The following MGAT4C variants were observed in gnomAD, a reference collection of about 807,000 sequenced individuals.
MGAT4C encodes the protein alpha-1,3-mannosyl-glycoprotein 4-beta-N-acetylglucosaminyltransferase C.
In MGAT4C, 19 loss-of-function variants were observed where a neutral mutation model predicts 40.1. That is an observed-to-expected ratio of 0.47 (90% CI 0.33 to 0.70). The LOEUF (loss-of-function observed/expected upper bound fraction) is 0.70. MGAT4C is among the 30% of genes least tolerant of loss of function. The pLI, the probability that MGAT4C is intolerant of heterozygous loss-of-function variation, is 0.02. For synonymous variants in MGAT4C, 181 were observed against 187.1 expected (o/e 0.97, Z 0.27); for missense variants, 491 against 563.2 (o/e 0.87, Z 1.30).
chr12:86,281,823 G>GT (rs1225436492), intron 4 of MGAT4C, among the ~76,000 whole-genome samples: 1 of 151,902 alleles, frequency 6.6e-6, no homozygotes, highest in African/African-American at 2.4e-5. Flanking sequence ...TATTTTGCCT[G>GT]TTTTTTGTGA....
At chr12:86,359,928 T>C (rs1955418237) in intron 3 of MGAT4C, among the ~76,000 whole-genome samples, 1 of 152,212 alleles carries the variant, frequency 6.6e-6, no homozygotes, top group Non-Finnish European at 1.5e-5. Flanking sequence ...CCATTCCTTC[T>C]GAAACTATTC....
intron 2 of MGAT4C, among the ~76,000 whole-genome samples, chr12:85,994,013 GC>G (rs1455423434): frequency 6.6e-6 from 1 of 152,152 alleles, no homozygotes; most frequent in Non-Finnish European, 1.5e-5. Context: ...GAGGGCAGCT[GC>G]AGTGGCTCCT....
Position 86,298,845 on chromosome 12 carries a change from C to T in MGAT4C, c.-57+35220G>A, listed in dbSNP as rs370800635. ...CTCAACAGTCCAGCAGTTAGTATAT[C>T]TATACCAATCACTCAATAAGTGGTT... On this transcript the variant is annotated intron_variant, in intron 4 of 7. Transcript: ENST00000548651. 1.8e-4 allele frequency among the ~76,000 whole-genome samples: 28 copies of T among 151,956 alleles called. 1 individual carries two copies. Among genetic ancestry groups the T allele is most frequent in the Admixed American group, 1.3e-3 (20 of 15,246 alleles).
At chr12:86,834,314 A>T (rs1040229553) in intron 1 of MGAT4C, among the ~76,000 whole-genome samples, 10 of 151,910 alleles carry the variant, frequency 6.6e-5, no homozygotes, top group African/African-American at 2.2e-4. Flanking sequence ...ACTTTGGGTC[A>T]AAGGGGCAGG....
intron 1 of MGAT4C, among the ~76,000 whole-genome samples, chr12:86,784,548 C>T (rs1475781057): frequency 4.0e-5 from 6 of 151,756 alleles, no homozygotes; most frequent in South Asian, 2.1e-4. Context: ...ATCTCATTAA[C>T]GCTAATTACC....
intron 3 of MGAT4C, among the ~76,000 whole-genome samples, chr12:86,410,509 C>G (rs1330433724): frequency 4.6e-5 from 7 of 152,132 alleles, no homozygotes; most frequent in Non-Finnish European, 1.0e-4. Flanking sequence ...GCGGTCAGAC[C>G]TTTGGTTGTC....
chr12:85,972,824 A>G lies in MGAT4C; in HGVS notation c.*6465T>C, dbSNP rs536874301. The G allele has an allele frequency of 6.6e-6, 1 of 151,224 alleles. No homozygotes were observed. The highest frequency in any genetic ancestry group is 2.1e-4 in the South Asian group (1 of 4,826). The allele number at this position is 151,224 out of a possible 1,614,324, so 9.4% of individuals were successfully genotyped here. On this transcript the variant is annotated 3_prime_UTR_variant, in exon 5 of 5. Coordinates refer to ENST00000611864, the MANE Select transcript of MGAT4C (RefSeq NM_001351288.2). ...AAGTAAGTTACAACGTGGAATAACA[A>G]AGTTTAAGTGTGGCAGAAAATACAT...
At position 85,962,670 on chromosome 12, in the gene MGAT4C, C is replaced by T. The variant is rs1883175445; in HGVS notation, c.*16619G>A. On this transcript the variant is annotated 3_prime_UTR_variant, in exon 5 of 5. Transcript: ENST00000611864. ...AACTTGTAATGAACTGTAAACTTCA[C>T]CCATAACATTATTAATATATCAGTG... 1 of 150,686 alleles carries T rather than the reference C, an allele frequency of 6.6e-6. No homozygotes were observed. The highest frequency in any genetic ancestry group is 1.5e-5 in the Non-Finnish European group (1 of 67,394). 9.3% of individuals were successfully genotyped at this position (150,686 alleles called of 1,614,324 possible).
intron 1 of MGAT4C, among the ~76,000 whole-genome samples, chr12:86,117,279 C>T (rs1235742184): frequency 6.6e-6 from 1 of 151,982 alleles, no homozygotes; most frequent in African/African-American, 2.4e-5. Context: ...CTTGCTAATA[C>T]ACACTGAAGT....
At chr12:86,420,315 A>C (rs1008026605) in intron 3 of MGAT4C, among the ~76,000 whole-genome samples, 1 of 152,042 alleles carries the variant, frequency 6.6e-6, no homozygotes, top group East Asian at 1.9e-4. Context: ...CCAGAGGTTA[A>C]AACCTGCAGT....
At chr12:86,134,756 T>C (rs1159619420) in intron 1 of MGAT4C, among the ~76,000 whole-genome samples, 1 of 152,156 alleles carries the variant, frequency 6.6e-6, no homozygotes, top group Non-Finnish European at 1.5e-5. Context: ...TATGTCATTA[T>C]TCATGAGTGA....
intron 1 of MGAT4C, among the ~76,000 whole-genome samples, chr12:86,183,785 GTTC>G (rs1477032400): frequency 6.6e-6 from 1 of 152,006 alleles, no homozygotes; most frequent in Non-Finnish European, 1.5e-5. Context: ...TCTCTCTCTC[GTTC>G]TTCTTATAAA....
intron 2 of MGAT4C, among the ~76,000 whole-genome samples, chr12:86,499,848 G>A (rs1005293949): frequency 2.0e-5 from 3 of 151,940 alleles, no homozygotes; most frequent in African/African-American, 7.2e-5. Context: ...ATGTTTGATT[G>A]TATCAGAGAG....
chr12:86,148,720 C>CT (rs1233131318), intron 1 of MGAT4C, among the ~76,000 whole-genome samples: 1 of 152,158 alleles, frequency 6.6e-6, no homozygotes, highest in Non-Finnish European at 1.5e-5. Flanking sequence ...TTCATAAACA[C>CT]TTTACCATTA....
chr12:86,204,046 A>G (rs1408509351), intron 1 of MGAT4C, among the ~76,000 whole-genome samples: 2 of 151,244 alleles, frequency 1.3e-5, no homozygotes, highest in African/African-American at 4.8e-5. Flanking sequence ...AGAAGCAGAA[A>G]GATAAAGATA....
intron 1 of MGAT4C, among the ~76,000 whole-genome samples, chr12:86,780,551 C>T (rs4842537): frequency 0.71 from 108,171 of 152,004 alleles, 40,435 homozygotes; most frequent in South Asian, 0.84. Flanking sequence ...TTCTCCTGCT[C>T]CACCATCGTA....
chr12:86,138,192 T>A (rs1566036640), intron 1 of MGAT4C, among the ~76,000 whole-genome samples: 1 of 151,954 alleles, frequency 6.6e-6, no homozygotes, highest in Non-Finnish European at 1.5e-5. Flanking sequence ...TTTTCCTTCT[T>A]CATCCAACAT....
intron 2 of MGAT4C, among the ~76,000 whole-genome samples, chr12:86,027,134 C>T (rs908247649): frequency 2.0e-5 from 3 of 151,692 alleles, no homozygotes; most frequent in African/African-American, 7.3e-5. Context: ...CACAGTGTAC[C>T]TCACTTCATA....
intron 2 of MGAT4C, among the ~76,000 whole-genome samples, chr12:86,643,566 T>C (rs1333176848): frequency 6.6e-6 from 1 of 151,826 alleles, no homozygotes; most frequent in Non-Finnish European, 1.5e-5. Context: ...GAAATCATTA[T>C]ACTAAATGAA....
Sources: allele counts gnomAD v4.1 joint callset (sites outside exome capture counted in the v4.1 genomes callset), GRCh38; gene constraint gnomAD v4.1.1; transcripts MANE v1.5; gene names NCBI Gene and HGNC (gene_info 2026-07-23, HGNC 2026-07-21).